The following OR2L13 variants were observed in gnomAD, a reference collection of about 807,000 sequenced individuals.
The protein encoded by OR2L13 is olfactory receptor family 2 subfamily L member 13, also known as olfactory receptor 2L13.
A neutral mutation model predicts 15.3 loss-of-function variants in OR2L13; 14 were observed. The observed-to-expected ratio is 0.91, with a 90% CI of 0.60 to 1.43. OR2L13 has a LOEUF of 1.43. Among genes scored for constraint, OR2L13 ranks in the 40% most tolerant of loss-of-function variants. The probability of loss-of-function intolerance (pLI) is 0.00; values close to 1 mark genes in which losing one functional copy is unlikely to be tolerated. For missense variants in OR2L13, 367 were observed against 387.9 expected, an observed-to-expected ratio of 0.95 and a Z score of 0.45; for synonymous variants, 152 against 142.9, an observed-to-expected ratio of 1.06 and a Z score of -0.45.
the OR2L13 span, among the ~76,000 whole-genome samples, chr1:247,959,630 C>A: frequency 1.3e-5 from 2 of 152,002 alleles, no homozygotes; most frequent in Admixed American, 1.3e-4. Flanking sequence ...TTCTTGGAGG[C>A]TTTGTTCATT....
chr1:248,081,237 T>C, the OR2L13 span, among the ~76,000 whole-genome samples: 1 of 152,142 alleles, frequency 6.6e-6, no homozygotes, highest in Non-Finnish European at 1.5e-5. Flanking sequence ...TTTCTAAAAT[T>C]ATTTAAAATT....
chr1:248,061,493 A>G, the OR2L13 span: 214 of 1,613,942 alleles, frequency 1.3e-4, no homozygotes, highest in African/African-American at 2.5e-3. Flanking sequence ...ACAGAGGACA[A>G]GGTTCTGGCT....
the OR2L13 span, among the ~76,000 whole-genome samples, chr1:248,068,069 G>A: frequency 6.0e-5 from 9 of 151,236 alleles, no homozygotes; most frequent in South Asian, 1.0e-3. Context: ...TGGGGGCAGG[G>A]CACAGACAAA....
the OR2L13 span, among the ~76,000 whole-genome samples, chr1:248,064,901 T>C: frequency 6.6e-6 from 1 of 152,168 alleles, no homozygotes; most frequent in Non-Finnish European, 1.5e-5. Flanking sequence ...GACTTCAAAA[T>C]TCGTTTACCC....
chr1:248,069,945 C>A, the OR2L13 span, among the ~76,000 whole-genome samples: 1 of 152,140 alleles, frequency 6.6e-6, no homozygotes, highest in South Asian at 2.1e-4. Context: ...TATATATGCA[C>A]CCAATACAGG....
At chr1:248,037,951 G>A in the OR2L13 span, among the ~76,000 whole-genome samples, 4 of 152,120 alleles carry the variant, frequency 2.6e-5, no homozygotes, top group Non-Finnish European at 5.9e-5. Flanking sequence ...CAAGAAAAAT[G>A]AGCACTTTTT....
At chr1:247,991,403 A>G in the OR2L13 span, among the ~76,000 whole-genome samples, 1 of 149,544 alleles carries the variant, frequency 6.7e-6, no homozygotes, top group Non-Finnish European at 1.5e-5. Context: ...TCTTTTTATC[A>G]AAAGATAGAT....
At chr1:247,990,722 C>T in the OR2L13 span, 6 of 1,560,276 alleles carry the variant, frequency 3.8e-6, no homozygotes, top group Non-Finnish European at 4.4e-6. Flanking sequence ...ATGATAGGCT[C>T]CATCAACTCT....
At chr1:247,964,201 G>C in the OR2L13 span, among the ~76,000 whole-genome samples, 1 of 152,110 alleles carries the variant, frequency 6.6e-6, no homozygotes, top group Non-Finnish European at 1.5e-5. Context: ...ACACATTCCT[G>C]TCTCTCATTT....
the OR2L13 span, among the ~76,000 whole-genome samples, chr1:248,036,415 T>A: frequency 3.9e-5 from 6 of 152,218 alleles, no homozygotes; most frequent in African/African-American, 1.4e-4. Context: ...ATCATAGACA[T>A]CTTCATTCCT....
the OR2L13 span, among the ~76,000 whole-genome samples, chr1:248,059,131 A>G: frequency 1.3e-5 from 2 of 152,104 alleles, no homozygotes; most frequent in Non-Finnish European, 1.5e-5. Context: ...TATGAGTATG[A>G]TCATGTGTGA....
chr1:247,986,786 A>G, the OR2L13 span, among the ~76,000 whole-genome samples: 1 of 151,866 alleles, frequency 6.6e-6, no homozygotes. Context: ...CTTTCATTTC[A>G]TTGAGCAGTG....
the OR2L13 span, among the ~76,000 whole-genome samples, chr1:247,966,684 A>C: frequency 0.026 from 3,909 of 152,318 alleles, 103 homozygotes; most frequent in Admixed American, 0.078. Context: ...TGACACTGTT[A>C]CAGACACTGG....
the OR2L13 span, chr1:248,060,956 C>T: frequency 6.2e-7 from 1 of 1,614,004 alleles, no homozygotes; most frequent in Non-Finnish European, 8.5e-7. Flanking sequence ...AAGTCTATCT[C>T]CTTCACTGGG....
chr1:247,956,857 C>G, the OR2L13 span, among the ~76,000 whole-genome samples: 7 of 151,964 alleles, frequency 4.6e-5, no homozygotes, highest in East Asian at 1.9e-4. Context: ...GAGACAATGG[C>G]GTTTTCTAGA....
At chr1:247,956,305 C>A in the OR2L13 span, among the ~76,000 whole-genome samples, 1 of 151,842 alleles carries the variant, frequency 6.6e-6, no homozygotes, top group Non-Finnish European at 1.5e-5. Flanking sequence ...TGGTCTATAT[C>A]TCTGTTTTGG....
At chr1:248,022,947 G>A in the OR2L13 span, 1 of 1,450,334 alleles carries the variant, frequency 6.9e-7, no homozygotes, top group South Asian at 1.4e-5. Flanking sequence ...GTGTACAGCA[G>A]TGAAGAAAAA....
At chr1:247,967,912 T>TTCC in the OR2L13 span, among the ~76,000 whole-genome samples, 1,291 of 141,136 alleles carry the variant, frequency 9.1e-3, 16 homozygotes, top group African/African-American at 0.034. Flanking sequence ...CCTCTTCCTC[T>TTCC]TCTTCTTCTT....
the OR2L13 span, among the ~76,000 whole-genome samples, chr1:248,035,934 G>C: frequency 6.6e-6 from 1 of 152,114 alleles, no homozygotes; most frequent in Non-Finnish European, 1.5e-5. Flanking sequence ...TCCTGATGGT[G>C]ATACATATAT....
Sources: allele counts gnomAD v4.1 joint callset (sites outside exome capture counted in the v4.1 genomes callset), GRCh38; gene constraint gnomAD v4.1.1; transcripts MANE v1.5; gene names NCBI Gene and HGNC (gene_info 2026-07-23, HGNC 2026-07-21).